Variants in SLC24A4 observed in about 807,000 individuals in gnomAD.
The protein encoded by SLC24A4 is solute carrier family 24 member 4, also known as sodium/potassium/calcium exchanger 4.
In SLC24A4, 53 loss-of-function variants were observed where a neutral mutation model predicts 79.0. That is an observed-to-expected ratio of 0.67 (90% CI 0.54 to 0.84). The LOEUF is 0.84. SLC24A4 is among the 40% of genes least tolerant of loss of function. The pLI is 0.00. For missense variants in SLC24A4, 731 were observed against 822.0 expected, an observed-to-expected ratio of 0.89 and a Z score of 1.35; for synonymous variants, 323 against 323.8, an observed-to-expected ratio of 1.00 and a Z score of 0.03.
intron 2 of SLC24A4, among the ~76,000 whole-genome samples, chr14:92,367,858 T>C (rs1230482157): frequency 6.6e-6 from 1 of 152,204 alleles, no homozygotes; most frequent in Non-Finnish European, 1.5e-5. Flanking sequence ...GAAGCCAGTA[T>C]TTGCTGCCTG....
rs1895982054 is a variant in SLC24A4 at position 92,497,781 on chromosome 14, C to T, written c.*4153C>T. 1 of 152,486 alleles carries T rather than the reference C, an allele frequency of 6.6e-6. No homozygotes were observed. Among genetic ancestry groups the T allele is most frequent in the African/African-American group, 2.4e-5 (1 of 41,472 alleles). 9.4% of individuals were successfully genotyped at this position (152,486 alleles called of 1,614,324 possible). On this transcript the variant is annotated 3_prime_UTR_variant, in exon 17 of 17. Coordinates refer to ENST00000532405, the MANE Select transcript of SLC24A4 (RefSeq NM_153646.4). ...TTGGTCTTTTGTCTCGCATCCCCAT[C>T]TTTCCTTTCCTTCTGGGCCATGCTC...
At chr14:92,454,480 A>G (rs538276350) in intron 11 of SLC24A4, among the ~76,000 whole-genome samples, 3 of 152,118 alleles carry the variant, frequency 2.0e-5, no homozygotes, top group Non-Finnish European at 4.4e-5. Context: ...CTTCATTTTC[A>G]CTCTTGCTGT....
intron 5 of SLC24A4, 136 bp from the exon 6 acceptor site, chr14:92,442,577 C>A: frequency 1.6e-6 from 1 of 631,980 alleles, no homozygotes; most frequent in South Asian, 1.9e-5. Context: ...GCCACTGCTT[C>A]TGCCATTCTC....
rs148895801 is a variant in SLC24A4 at position 92,458,890 on chromosome 14, G to A, written c.1255+2282G>A. 3.3e-3 allele frequency among the ~76,000 whole-genome samples: 508 copies of A among 152,302 alleles called. 2 individuals are homozygous for A. The highest frequency in any genetic ancestry group is 0.012 in the African/African-American group (484 of 41,572). On this transcript the variant is annotated intron_variant, in intron 12 of 16. Coordinates refer to ENST00000532405, the MANE Select transcript of SLC24A4 (RefSeq NM_153646.4). ...GAGTGCCAGAGCAGGCTGCATTGAGGGAGATGCAACCACAGTCCAGGAAAC... is the reference window on the plus strand; with the variant it reads ...GAGTGCCAGAGCAGGCTGCATTGAGAGAGATGCAACCACAGTCCAGGAAAC...
intron 12 of SLC24A4, among the ~76,000 whole-genome samples, chr14:92,472,177 A>T (rs908228415): frequency 6.6e-6 from 1 of 152,204 alleles, no homozygotes; most frequent in African/African-American, 2.4e-5. Flanking sequence ...TCTCTGCCTT[A>T]GTCATCCCAG....
At position 92,323,671 on chromosome 14, in the gene SLC24A4, C is replaced by T. The variant is rs1374457502; in HGVS notation, c.-160C>T. On this transcript the variant is annotated 5_prime_UTR_variant, in exon 1 of 17. Coordinates refer to ENST00000532405, the MANE Select transcript of SLC24A4 (RefSeq NM_153646.4). This position sits in a 1 kb window ranked among gnomAD's most constrained non-coding sequence, Gnocchi z 4.9. ...GTCCCCACCTTCCCAAGGGGCTCCC[C>T]CGCCGACCTCGCCCTCGGGCCATGA... The T allele has an allele frequency of 3.3e-6, 3 of 902,752 alleles. No homozygotes were observed. Among genetic ancestry groups the T allele is most frequent in the Non-Finnish European group, 4.7e-6 (3 of 639,474 alleles). 55.9% of individuals were successfully genotyped at this position (902,752 alleles called of 1,614,324 possible). A position where few individuals can be genotyped will look rare whatever the true frequency, so the allele number is the denominator to read the frequency against.
intron 2 of SLC24A4, among the ~76,000 whole-genome samples, chr14:92,384,847 G>C (rs188824642): frequency 6.0e-4 from 92 of 152,278 alleles, no homozygotes; most frequent in African/African-American, 1.5e-3. Context: ...GCTAAGCAGA[G>C]CATAAGATTT....
In SLC24A4 at chr14:92,398,448, A is replaced by G. The variant is rs1277241479; in HGVS notation, c.242-35464A>G. ...TTTGAGAGGAAGAATGGGTAAGACT[A>G]TTGGAGGTGGGAAAGAGAGAAGGGA... is the stretch of plus-strand genomic sequence containing the variant. On this transcript the variant is annotated intron_variant, in intron 2 of 16. Coordinates refer to ENST00000532405, the MANE Select transcript of SLC24A4 (RefSeq NM_153646.4). This position sits in a 1 kb window ranked among gnomAD's most constrained non-coding sequence, Gnocchi z 4.1. Among the ~76,000 whole-genome samples the G allele has an allele frequency of 1.3e-5, 2 of 152,168 alleles. No individual in the cohort carries two copies. The highest frequency in any genetic ancestry group is 2.4e-5 in the African/African-American group (1 of 41,438).
At chr14:92,354,295 C>G (rs1026446098) in intron 2 of SLC24A4, among the ~76,000 whole-genome samples, 2 of 152,100 alleles carry the variant, frequency 1.3e-5, no homozygotes, top group African/African-American at 4.8e-5. Flanking sequence ...GGACTACAGG[C>G]ACCTGCCACC....
At chr14:92,458,533 G>T (rs1893618286) in intron 12 of SLC24A4, among the ~76,000 whole-genome samples, 1 of 152,182 alleles carries the variant, frequency 6.6e-6, no homozygotes, top group African/African-American at 2.4e-5. Context: ...AGAGCAGGAG[G>T]GGTGGTCTCC....
At chr14:92,395,451 A>ACG (rs1360094220) in intron 2 of SLC24A4, among the ~76,000 whole-genome samples, 10 of 151,708 alleles carry the variant, frequency 6.6e-5, no homozygotes, top group African/African-American at 2.4e-4. Flanking sequence ...ACACACACAC[A>ACG]CACACACACA....
chr14:92,480,584 C>T (rs187667451), intron 12 of SLC24A4, among the ~76,000 whole-genome samples: 1,732 of 151,990 alleles, frequency 0.011, 29 homozygotes, highest in African/African-American at 0.039. Context: ...TGAGCCACCA[C>T]GCCCGGCCTT....
intron 12 of SLC24A4, chr14:92,457,410 G>A (rs910171434): frequency 1.4e-4 from 21 of 152,740 alleles, no homozygotes; most frequent in African/African-American, 4.1e-4. Flanking sequence ...CTGCTTAAAT[G>A]TCACCTTTTC....
chr14:92,332,491 C>A (rs1022167344), intron 2 of SLC24A4, among the ~76,000 whole-genome samples: 2 of 152,114 alleles, frequency 1.3e-5, no homozygotes, highest in African/African-American at 2.4e-5. Flanking sequence ...CAGAGGGAGA[C>A]CCTGTCTCTC....
intron 2 of SLC24A4, among the ~76,000 whole-genome samples, chr14:92,338,216 C>T (rs1885928132): frequency 6.6e-6 from 1 of 152,170 alleles, no homozygotes; most frequent in African/African-American, 2.4e-5. Flanking sequence ...CCTGACACAA[C>T]CTGATTTTGT....
chr14:92,459,340 T>C (rs1433715665), intron 12 of SLC24A4, among the ~76,000 whole-genome samples: 1 of 152,070 alleles, frequency 6.6e-6, no homozygotes, highest in Non-Finnish European at 1.5e-5. Flanking sequence ...CTTCCCAGGG[T>C]CAGAGGCTTA....
At chr14:92,343,612 CT>C (rs1196561953) in intron 2 of SLC24A4, among the ~76,000 whole-genome samples, 2 of 146,426 alleles carry the variant, frequency 1.4e-5, no homozygotes, top group Non-Finnish European at 3.0e-5. Context: ...TTCTTTCTTT[CT>C]TTCTTTCTTT....
chr14:92,367,608 G>A (rs575068635), intron 2 of SLC24A4, among the ~76,000 whole-genome samples: 1 of 152,318 alleles, frequency 6.6e-6, no homozygotes, highest in East Asian at 1.9e-4. Flanking sequence ...AAGAAACAGA[G>A]CTGGAAAAAG....
intron 2 of SLC24A4, among the ~76,000 whole-genome samples, chr14:92,420,401 A>G (rs1386627802): frequency 1.3e-5 from 2 of 151,656 alleles, no homozygotes; most frequent in Non-Finnish European, 2.9e-5. Context: ...AATTGCTTGA[A>G]CCTGGGGGCA....
Sources: gnomAD v4.1 joint callset for allele counts (sites outside exome capture counted in the v4.1 genomes callset) on GRCh38, gnomAD v4.1.1 for gene constraint, Gnocchi (gnomAD v3.1) non-coding constraint, MANE v1.5 for transcripts, NCBI Gene and HGNC (gene_info 2026-07-23, HGNC 2026-07-21) for gene names.